CACNA1E: variants seen among roughly 807,000 people sequenced by gnomAD.
CACNA1E encodes the protein calcium voltage-gated channel subunit alpha1 E.
CACNA1E carries 40 observed loss-of-function variants against 259.2 expected under a neutral mutation model. The ratio of observed to expected loss-of-function variants is 0.15; its 90% CI spans 0.12 to 0.20. The LOEUF (loss-of-function observed/expected upper bound fraction) is 0.20, where lower values mean the gene tolerates loss of function less well. Ranked by LOEUF, CACNA1E falls within the 10% of genes least tolerant of loss-of-function variation. The probability of loss-of-function intolerance (pLI) is 1.00; values close to 1 mark genes in which losing one functional copy is unlikely to be tolerated. For synonymous variants in CACNA1E, 1,104 were observed against 1,138.5 expected (o/e 0.97, Z 0.61); for missense variants, 1,874 against 3,040.1 (o/e 0.62, Z 9.02).
Position 181,798,358 on chromosome 1 carries a change from C to A in CACNA1E, c.6466C>A (p.Arg2156Ser), listed in dbSNP as rs528317539. ...TGACACCAGCACCCCAAGAAGAAGT[C>A]GTCGGCAGCTCCCACCCGTCCCGCC... ...VSDTSTPRRS[R>S]RQLPPVPPKP... The change falls in exon 48 of 48, where the codon CGT becomes AGT. Residue 2156 changes from arginine to serine, a missense_variant. Around this residue, in one of 14 missense-constraint regions of CACNA1E, gnomAD observed 542 missense variants for 587.2 expected, o/e 0.92. Coordinates refer to ENST00000367573, the MANE Select transcript of CACNA1E (RefSeq NM_001205293.3). The surrounding 1 kb of genome is among the most constrained non-coding windows in gnomAD (Gnocchi z 4.2). 48 of 1,611,356 alleles carry A rather than the reference C, an allele frequency of 3.0e-5. 1 individual carries two copies. In the South Asian group the frequency reaches 5.3e-4, roughly 18 times the overall value.
In CACNA1E at chr1:181,776,220, A is replaced by G. The variant is rs767215554; in HGVS notation, c.5259A>G (p.Arg1753=). 2.5e-6 allele frequency: 4 copies of G among 1,614,048 alleles called. No homozygotes were observed. In the South Asian group the frequency reaches 3.3e-5, roughly 13 times the overall value. The change falls in exon 38 of 48, where the codon CGA becomes CGG. Residue 1753 remains arginine (R), a synonymous_variant. Transcript: ENST00000367573. This position sits in a 1 kb window ranked among gnomAD's most constrained non-coding sequence, Gnocchi z 4.4. ...EFVRVWAEYD[R]AACGRIHYTE... is the part of the protein sequence containing the mutation. ...TCCGCGTCTGGGCAGAATATGACCG[A>G]GCAGCATGGTGCGTAGGCCCCTCGG... is the stretch of plus-strand genomic sequence containing the variant.
chr1:181,318,547 C>T (rs1650090668), intron 1 of CACNA1E, among the ~76,000 whole-genome samples: 1 of 152,182 alleles, frequency 6.6e-6, no homozygotes, highest in Non-Finnish European at 1.5e-5. Context: ...CAGGCTCGAG[C>T]CGCTGGGTTT....
upstream of CACNA1E, among the ~76,000 whole-genome samples, chr1:181,481,302 C>G (rs1345652065): frequency 6.6e-6 from 1 of 151,700 alleles, no homozygotes; most frequent in East Asian, 1.9e-4. Flanking sequence ...CATGTTGAGA[C>G]CATTCCTTTG....
chr1:181,690,888 C>A (rs1466792779), intron 7 of CACNA1E, among the ~76,000 whole-genome samples: 1 of 151,764 alleles, frequency 6.6e-6, no homozygotes, highest in African/African-American at 2.4e-5. Flanking sequence ...TAGACGACTT[C>A]TTTAAATTTC....
intron 7 of CACNA1E, among the ~76,000 whole-genome samples, chr1:181,707,213 AAAG>A (rs1411975417): frequency 6.6e-6 from 1 of 152,266 alleles, no homozygotes; most frequent in Non-Finnish European, 1.5e-5. Flanking sequence ...AAAGCATCAT[AAAG>A]AAGGTCCCCC....
chr1:181,795,110 C>G, intron 46 of CACNA1E, 66 bp downstream of exon 46: 3 of 1,310,498 alleles, frequency 2.3e-6, no homozygotes, highest in Admixed American at 2.1e-5. Context: ...TGCACTTACT[C>G]TCCAAGGACT....
intron 2 of CACNA1E, among the ~76,000 whole-genome samples, chr1:181,472,267 C>A (rs930679475): frequency 6.6e-6 from 1 of 151,926 alleles, no homozygotes; most frequent in Non-Finnish European, 1.5e-5. Flanking sequence ...TCAAAGGATA[C>A]AAAGTAGGTA....
upstream of CACNA1E, chr1:181,483,357 G>C (rs573893771): frequency 6.1e-6 from 1 of 163,722 alleles, no homozygotes; most frequent in South Asian, 2.0e-4. Context: ...TGCCAGAAGA[G>C]GAGCTATGTT....
intron 6 of CACNA1E, among the ~76,000 whole-genome samples, chr1:181,592,178 C>G (rs548794168): frequency 1.3e-5 from 2 of 152,364 alleles, no homozygotes; most frequent in African/African-American, 4.8e-5. Context: ...AGCACTCCTT[C>G]CCAGATTCTC....
chr1:181,690,942 T>C (rs1651090965), intron 7 of CACNA1E, among the ~76,000 whole-genome samples: 2 of 152,128 alleles, frequency 1.3e-5, no homozygotes, highest in South Asian at 4.1e-4. Flanking sequence ...TGGAGTTTAC[T>C]CTAATGGTGC....
intron 6 of CACNA1E, among the ~76,000 whole-genome samples, chr1:181,626,893 T>C (rs1572416308): frequency 1.3e-5 from 2 of 152,352 alleles, no homozygotes; most frequent in East Asian, 1.9e-4. Flanking sequence ...AGTATGCTAC[T>C]TGATCTAAAT....
chr1:181,757,489 G>C (rs1466011433), intron 30 of CACNA1E, among the ~76,000 whole-genome samples: 1 of 152,184 alleles, frequency 6.6e-6, no homozygotes, highest in African/African-American at 2.4e-5. Context: ...CCAGCAACAA[G>C]CATAGTTCTG....
intron 2 of CACNA1E, among the ~76,000 whole-genome samples, chr1:181,434,051 C>T (rs929779977): frequency 6.6e-6 from 1 of 152,198 alleles, no homozygotes; most frequent in African/African-American, 2.4e-5. Flanking sequence ...TCCTGGTCCC[C>T]ATCCCTGGAA....
chr1:181,742,765 G>A (rs1044653059), intron 25 of CACNA1E, among the ~76,000 whole-genome samples: 12 of 152,174 alleles, frequency 7.9e-5, no homozygotes, highest in Admixed American at 2.0e-4. Context: ...CTGCCACCAT[G>A]TATGTTTTCT....
intron 7 of CACNA1E, among the ~76,000 whole-genome samples, chr1:181,680,005 C>T (rs746053192): frequency 5.4e-5 from 8 of 148,030 alleles, no homozygotes; most frequent in African/African-American, 7.4e-5. Flanking sequence ...CCTAGCTACT[C>T]GGGAGGCTGA....
intron 7 of CACNA1E, among the ~76,000 whole-genome samples, chr1:181,702,260 C>T (rs982582759): frequency 6.6e-6 from 1 of 152,012 alleles, no homozygotes; most frequent in African/African-American, 2.4e-5. Flanking sequence ...GTCTCTCTTA[C>T]ACTCCTCGTC....
At chr1:181,588,979 T>C (rs761077496) in intron 6 of CACNA1E, among the ~76,000 whole-genome samples, 8 of 152,212 alleles carry the variant, frequency 5.3e-5, no homozygotes, top group Non-Finnish European at 1.0e-4. Flanking sequence ...AGCCAAGAAG[T>C]CTTTATTCAC....
At chr1:181,764,068 C>T (rs759490294) in intron 34 of CACNA1E, among the ~76,000 whole-genome samples, 4 of 152,258 alleles carry the variant, frequency 2.6e-5, no homozygotes, top group Middle Eastern at 3.4e-3. Flanking sequence ...TAATGGCCAC[C>T]TCTGTGTCCT....
intron 7 of CACNA1E, among the ~76,000 whole-genome samples, chr1:181,672,090 T>C (rs910515533): frequency 2.0e-4 from 30 of 152,322 alleles, no homozygotes; most frequent in Non-Finnish European, 2.4e-4. Flanking sequence ...TACAATAACA[T>C]GGATGAAGCT....
Sources: allele counts gnomAD v4.1 joint callset (sites outside exome capture counted in the v4.1 genomes callset), GRCh38; gene constraint gnomAD v4.1.1; regional missense constraint gnomAD v4.1.1; non-coding constraint Gnocchi (gnomAD v3.1); transcripts MANE v1.5; gene names NCBI Gene and HGNC (gene_info 2026-07-23, HGNC 2026-07-21).